VPS13C: variants seen among roughly 807,000 people sequenced by gnomAD.
The protein encoded by VPS13C is intermembrane lipid transfer protein VPS13C.
VPS13C carries 358 observed loss-of-function variants against 456.8 expected under a neutral mutation model. That is an observed-to-expected ratio of 0.78 (90% CI 0.72 to 0.86). The LOEUF is 0.86. VPS13C is among the 40% of genes least tolerant of loss of function. The probability of loss-of-function intolerance (pLI) is 0.00; values close to 1 mark genes in which losing one functional copy is unlikely to be tolerated. For missense variants in VPS13C, 4,818 were observed against 4,385.4 expected (o/e 1.10, Z -2.79); for synonymous variants, 1,578 against 1,486.7 (o/e 1.06, Z -1.41).
rs2047107350 is a variant in VPS13C at position 62,013,134 on chromosome 15, T to C, written c.745-15A>G. On this transcript the variant is annotated splice_polypyrimidine_tract_variant and intron_variant, in intron 10 of 84. Transcript: ENST00000644861. ...AGTCGTATAAGCTATAAGAGAAAAA[T>C]GAAAGAGATCAGGCAATCAACACAC... 1.9e-6 allele frequency: 3 copies of C among 1,577,922 alleles called. No individual in the cohort carries two copies. The African/African-American group carries it at 4.1e-5, about 21-fold the overall frequency.
At position 61,853,878 on chromosome 15, in the gene VPS13C, C is replaced by T. The variant is rs1199476729; in HGVS notation, c.*579G>A. On this transcript the variant is annotated 3_prime_UTR_variant, in exon 85 of 85. Transcript: ENST00000644861. ...GTGAAACTCATCTCTACTAAAAATA[C>T]AAAAAAAAAAAAAATTACCCAGGCG... 1 of 143,038 alleles carries T rather than the reference C, an allele frequency of 7.0e-6. No homozygotes were observed. Among genetic ancestry groups the T allele is most frequent in the African/African-American group, 2.6e-5 (1 of 38,630 alleles). 8.9% of individuals were successfully genotyped at this position (143,038 alleles called of 1,614,324 possible).
At chr15:61,920,414 T>A (rs1949492754) in intron 56 of VPS13C, 83 bp from the exon 57 acceptor site, 1 of 1,495,606 alleles carries the variant, frequency 6.7e-7, no homozygotes, top group Admixed American at 2.4e-5. Context: ...ACACATTTTT[T>A]GGAAACTAAT....
Position 62,020,491 on chromosome 15 carries a change from C to T in VPS13C, c.672G>A (p.Glu224=). Residue 224 remains glutamate, a synonymous_variant, in exon 9 of 85, where the codon GAG becomes GAA. Coordinates refer to ENST00000644861, the MANE Select transcript of VPS13C (RefSeq NM_020821.3). ...AAGCAAACATTACCAGTAGACTAAG[C>T]TCTCCCAGTGTGACACCAAATGAAA... ...RPLSFGVTLG[E]LSLLTANEHW... 1.9e-6 allele frequency: 3 copies of T among 1,611,100 alleles called. No homozygotes were observed. Among genetic ancestry groups the T allele is most frequent in the East Asian group, 2.2e-5 (1 of 44,790 alleles).
chr15:61,973,078 G>C (rs144394353), intron 26 of VPS13C, among the ~76,000 whole-genome samples: 10 of 152,234 alleles, frequency 6.6e-5, no homozygotes, highest in African/African-American at 2.4e-4. Flanking sequence ...AGCCAGTAAG[G>C]ATACCAGAAT....
intron 67 of VPS13C, among the ~76,000 whole-genome samples, chr15:61,889,845 C>T (rs746023100): frequency 5.4e-4 from 82 of 151,964 alleles, no homozygotes; most frequent in Non-Finnish European, 1.9e-4. Flanking sequence ...TACATCCTTT[C>T]CTTTTCTCAG....
chr15:62,015,368 A>G (rs1019906990), intron 9 of VPS13C, among the ~76,000 whole-genome samples: 2 of 151,992 alleles, frequency 1.3e-5, no homozygotes. Context: ...ATTAGATCCC[A>G]TTTGTCAATT....
At chr15:62,054,019 T>C (rs1174124531) in intron 1 of VPS13C, among the ~76,000 whole-genome samples, 1 of 152,208 alleles carries the variant, frequency 6.6e-6, no homozygotes, top group Non-Finnish European at 1.5e-5. Context: ...ACTGGAGGAT[T>C]TTCCTGCTGA....
In VPS13C at chr15:61,962,468, TC is replaced by T; in HGVS notation, c.3505del (p.Asp1169IlefsTer15). 6.2e-7 allele frequency: 1 copy of T among 1,611,884 alleles called. No homozygotes were observed. Among genetic ancestry groups the T allele is most frequent in the Non-Finnish European group, 8.5e-7 (1 of 1,178,746 alleles). ...CACTTTGGACATGTCAGTATACAAA[TC>T]CCCCTCAGTAGCATCTGGATACAAA... ...LDLYPDATEG[D>X]LYTDMSKVDG... On this transcript the variant is annotated frameshift_variant, in exon 34 of 85. Coordinates refer to ENST00000644861, the MANE Select transcript of VPS13C (RefSeq NM_020821.3). LOFTEE classifies it high-confidence loss of function.
intron 44 of VPS13C, 113 bp downstream of exon 44, chr15:61,946,194 A>G: frequency 4.7e-6 from 4 of 842,916 alleles, no homozygotes; most frequent in Non-Finnish European, 7.1e-6. Context: ...CCAATTCCTA[A>G]TAAAGTGCCT....
chr15:62,005,202 C>T (rs905496689), intron 15 of VPS13C, among the ~76,000 whole-genome samples: 2 of 152,132 alleles, frequency 1.3e-5, no homozygotes, highest in Non-Finnish European at 2.9e-5. Flanking sequence ...AATCTGGGTG[C>T]TCCTGTATTG....
chr15:61,883,235 C>T (rs1174863241), intron 68 of VPS13C, among the ~76,000 whole-genome samples: 3 of 148,568 alleles, frequency 2.0e-5, no homozygotes, highest in African/African-American at 7.4e-5. Context: ...CAAGGTCTCA[C>T]TATGTTGTCC....
chr15:61,885,951 A>G (rs1723426647), intron 67 of VPS13C, among the ~76,000 whole-genome samples: 1 of 152,156 alleles, frequency 6.6e-6, no homozygotes, highest in South Asian at 2.1e-4. Context: ...ATCAAGAGCC[A>G]AAGGAAACCA....
intron 82 of VPS13C, among the ~76,000 whole-genome samples, chr15:61,857,976 G>A (rs1430699877): frequency 6.6e-6 from 1 of 152,074 alleles, no homozygotes; most frequent in African/African-American, 2.4e-5. Flanking sequence ...CTAGTAAGTG[G>A]CAGTAGTGTC....
intron 5 of VPS13C, among the ~76,000 whole-genome samples, chr15:62,030,675 T>C (rs915406523): frequency 6.6e-6 from 1 of 152,166 alleles, no homozygotes. Context: ...AATTATGATA[T>C]ATTCATATTA....
chr15:61,871,977 T>C lies in VPS13C; in HGVS notation c.10624+12A>G. 6.2e-7 allele frequency: 1 copy of C among 1,610,380 alleles called. No individual in the cohort carries two copies. The highest frequency in any genetic ancestry group is 8.5e-7 in the Non-Finnish European group (1 of 1,178,060). The stretch of plus-strand genomic sequence containing the variant: ...TCAGACTTTGTAAAGGAAGGAAATA[T>C]TTTCAACATACCTTCCACAGGTTTT... On this transcript the variant is annotated intron_variant, in intron 79 of 84. Coordinates refer to ENST00000644861, the MANE Select transcript of VPS13C (RefSeq NM_020821.3).
At position 61,881,646 on chromosome 15, in the gene VPS13C, G is replaced by A; in HGVS notation, c.9707-14C>T. 1 of 1,609,346 alleles carries A rather than the reference G, an allele frequency of 6.2e-7. No homozygotes were observed. The highest frequency in any genetic ancestry group is 8.5e-7 in the Non-Finnish European group (1 of 1,178,396). ...AAGGCTTGGGCTCTAAGAGGAAGAA[G>A]TAACACATAAAAAAAAATAATGCTT... On this transcript the variant is annotated splice_polypyrimidine_tract_variant and intron_variant, in intron 70 of 84. Coordinates refer to ENST00000644861, the MANE Select transcript of VPS13C (RefSeq NM_020821.3).
Position 61,854,502 on chromosome 15 carries a change from C to G in VPS13C, c.11217G>C (p.Met3739Ile). Residue 3739 changes from methionine (M) to isoleucine (I), a missense_variant, in exon 85 of 85, where the codon ATG becomes ATC. Physicochemically the swap from Met to Ile is conservative, Grantham distance 10. Transcript: ENST00000644861. ...AQSTRQQQKL[M>I]KQSSVRLLRP... is the part of the protein sequence containing the mutation. ...TGAGAAGTCTCACTGATGACTGCTT[C>G]ATCAATTTTTGCTGCTGTCTCGTTG... 3 of 1,614,126 alleles carry G rather than the reference C, an allele frequency of 1.9e-6. No homozygotes were observed. Among genetic ancestry groups the G allele is most frequent in the Non-Finnish European group, 2.5e-6 (3 of 1,179,992 alleles).
chr15:62,005,143 T>C (rs74956026), intron 15 of VPS13C, among the ~76,000 whole-genome samples: 4 of 152,204 alleles, frequency 2.6e-5, no homozygotes, highest in Non-Finnish European at 4.4e-5. Flanking sequence ...CCATCATTAA[T>C]GTGTGGGACT....
intron 67 of VPS13C, among the ~76,000 whole-genome samples, chr15:61,885,469 A>C (rs12907450): frequency 0.22 from 32,902 of 152,104 alleles, 3,956 homozygotes; most frequent in Non-Finnish European, 0.27. Context: ...AAAGAGTACA[A>C]TAAAAAGTTA....
Sources: gnomAD v4.1 joint callset for allele counts (sites outside exome capture counted in the v4.1 genomes callset) on GRCh38, gnomAD v4.1.1 for gene constraint, MANE v1.5 for transcripts, NCBI Gene and HGNC (gene_info 2026-07-23, HGNC 2026-07-21) for gene names.